MGMT: variants seen among roughly 807,000 people sequenced by gnomAD.
MGMT encodes O-6-methylguanine-DNA methyltransferase.
Under a neutral mutation model 15.9 loss-of-function variants are expected in MGMT, and 14 were observed. The observed-to-expected ratio is 0.88, with a 90% CI of 0.58 to 1.37. The LOEUF (loss-of-function observed/expected upper bound fraction) is 1.37, where lower values mean the gene tolerates loss of function less well. Ranked by LOEUF, MGMT falls within the 40% of genes most tolerant of loss-of-function variation. The pLI is 0.00. For synonymous variants in MGMT, 130 were observed against 118.2 expected, an observed-to-expected ratio of 1.10 and a Z score of -0.65; for missense variants, 282 against 268.1, an observed-to-expected ratio of 1.05 and a Z score of -0.36.
intron 1 of MGMT, 25 bp from the exon 2 acceptor site, chr10:129,536,216 T>C: frequency 6.2e-7 from 1 of 1,613,360 alleles, no homozygotes; most frequent in Non-Finnish European, 8.5e-7. Flanking sequence ...CTATACACTT[T>C]GTCTTAAAAA....
chr10:129,614,432 G>A (rs564870671), intron 2 of MGMT, among the ~76,000 whole-genome samples: 16 of 152,274 alleles, frequency 1.1e-4, no homozygotes, highest in African/African-American at 3.4e-4. Context: ...CCTGAGGTCC[G>A]CGGACGTCCC....
chr10:129,472,448 G>A (rs147368810), intron 1 of MGMT, among the ~76,000 whole-genome samples: 395 of 152,088 alleles, frequency 2.6e-3, no homozygotes, highest in Non-Finnish European at 4.2e-3. Flanking sequence ...ACGAGAAGAC[G>A]GCGAAGAACC....
intron 2 of MGMT, among the ~76,000 whole-genome samples, chr10:129,608,380 C>T (rs1286432509): frequency 3.3e-5 from 5 of 152,202 alleles, no homozygotes; most frequent in Admixed American, 3.3e-4. Context: ...GCAGCTGCGT[C>T]GGTGGGGCCA....
intron 2 of MGMT, among the ~76,000 whole-genome samples, chr10:129,613,899 G>T (rs1846990926): frequency 6.6e-6 from 1 of 152,218 alleles, no homozygotes; most frequent in Admixed American, 6.5e-5. Context: ...CAGTGCCATG[G>T]CTTGGCTAAT....
At chr10:129,749,461 A>T (rs1000238920) in intron 3 of MGMT, among the ~76,000 whole-genome samples, 10 of 151,688 alleles carry the variant, frequency 6.6e-5, no homozygotes, top group African/African-American at 2.2e-4. Context: ...TGCATAGCTC[A>T]TTTTTTTCAC....
rs141095230 is a variant in MGMT at position 129,536,277 on chromosome 10, C to A, written c.25C>A (p.Arg9Ser). The change falls in exon 2 of 5, where the codon CGC (arginine) becomes AGC (serine). Residue 9 changes from arginine (R) to serine (S), a missense_variant. Coordinates refer to ENST00000651593, the MANE Select transcript of MGMT (RefSeq NM_002412.5). The stretch of plus-strand genomic sequence containing the variant: ...AATGGACAAGGATTGTGAAATGAAA[C>A]GCACCACACTGGACAGCCCTTTGGG... Reference protein sequence around the residue: MDKDCEMKRTTLDSPLGKL... With the variant: MDKDCEMKSTTLDSPLGKL... 8.7e-6 allele frequency: 14 copies of A among 1,613,906 alleles called. No homozygotes were observed. Among genetic ancestry groups the A allele is most frequent in the South Asian group, 4.4e-5 (4 of 91,030 alleles).
chr10:129,746,319 T>C (rs1848695900), intron 3 of MGMT, among the ~76,000 whole-genome samples: 1 of 151,788 alleles, frequency 6.6e-6, no homozygotes, highest in Non-Finnish European at 1.5e-5. Context: ...TTTTTTTCCC[T>C]TTTTAATGAA....
chr10:129,714,277 T>C (rs939153926), intron 3 of MGMT, among the ~76,000 whole-genome samples: 1 of 152,264 alleles, frequency 6.6e-6, no homozygotes, highest in Non-Finnish European at 1.5e-5. Context: ...GTGAATTTCA[T>C]GGGCCAAAGA....
chr10:129,539,763 C>T (rs1399673237), intron 2 of MGMT, among the ~76,000 whole-genome samples: 1 of 152,212 alleles, frequency 6.6e-6, no homozygotes, highest in Non-Finnish European at 1.5e-5. Flanking sequence ...ACCTCGGCCT[C>T]CCAAAGTGCT....
At chr10:129,572,772 A>G (rs974665748) in intron 2 of MGMT, among the ~76,000 whole-genome samples, 5 of 152,220 alleles carry the variant, frequency 3.3e-5, no homozygotes, top group Non-Finnish European at 7.3e-5. Flanking sequence ...GAGTTGTTAA[A>G]CAGCATGATT....
chr10:129,696,783 T>G (rs553645951), intron 2 of MGMT, among the ~76,000 whole-genome samples: 63 of 152,216 alleles, frequency 4.1e-4, no homozygotes, highest in Non-Finnish European at 7.8e-4. Flanking sequence ...GTCCCAGGGC[T>G]CACTGGAACA....
At chr10:129,707,494 C>T (rs1221294719) in intron 2 of MGMT, among the ~76,000 whole-genome samples, 1 of 152,136 alleles carries the variant, frequency 6.6e-6, no homozygotes, top group Admixed American at 6.5e-5. Flanking sequence ...TGGATGTGGC[C>T]TTGCGTTGTT....
At chr10:129,693,971 C>T (rs919274776) in intron 2 of MGMT, 4 of 152,016 alleles carry the variant, frequency 2.6e-5, no homozygotes, top group African/African-American at 9.7e-5. Flanking sequence ...GGGCAGGTGG[C>T]TCAGAATGAG....
At chr10:129,607,625 A>G (rs1385879672) in intron 2 of MGMT, among the ~76,000 whole-genome samples, 1 of 152,188 alleles carries the variant, frequency 6.6e-6, no homozygotes, top group African/African-American at 2.4e-5. Context: ...TTTTATATAT[A>G]TTACAAATTG....
chr10:129,702,850 G>GT (rs1258411605), intron 2 of MGMT, among the ~76,000 whole-genome samples: 17 of 152,172 alleles, frequency 1.1e-4, no homozygotes, highest in African/African-American at 3.6e-4. Flanking sequence ...TACGGAGCCC[G>GT]TAATTGTTAG....
chr10:129,734,045 T>G (rs1848532938), intron 3 of MGMT, among the ~76,000 whole-genome samples: 1 of 151,704 alleles, frequency 6.6e-6, no homozygotes, highest in South Asian at 2.1e-4. Context: ...CGATGCGGGC[T>G]CTTTTTTGGT....
At chr10:129,579,336 A>G (rs1222589282) in intron 2 of MGMT, among the ~76,000 whole-genome samples, 1 of 152,124 alleles carries the variant, frequency 6.6e-6, no homozygotes, top group African/African-American at 2.4e-5. Context: ...GTACCTGCCT[A>G]CCTGTGGCTG....
intron 2 of MGMT, among the ~76,000 whole-genome samples, chr10:129,666,266 A>G (rs1451815935): frequency 6.6e-6 from 1 of 152,180 alleles, no homozygotes; most frequent in Non-Finnish European, 1.5e-5. Context: ...TTTAGAATGC[A>G]TTTGTCAACT....
chr10:129,699,295 A>C (rs1848068094), intron 2 of MGMT, among the ~76,000 whole-genome samples: 4 of 152,194 alleles, frequency 2.6e-5, no homozygotes, highest in African/African-American at 9.6e-5. Context: ...TAAAAAGAAA[A>C]ATATATATAG....
Sources: allele counts gnomAD v4.1 joint callset (sites outside exome capture counted in the v4.1 genomes callset), GRCh38; gene constraint gnomAD v4.1.1; transcripts MANE v1.5; gene names NCBI Gene and HGNC (gene_info 2026-07-23, HGNC 2026-07-21).